Variants in MAP6 observed in about 807,000 individuals in gnomAD.
The protein encoded by MAP6 is microtubule-associated protein 6.
MAP6 carries 26 observed loss-of-function variants against 42.4 expected under a neutral mutation model. The observed-to-expected ratio is 0.61, with a 90% CI of 0.45 to 0.85. MAP6 has a LOEUF of 0.85. MAP6 is among the 40% of genes least tolerant of loss of function. The probability of loss-of-function intolerance (pLI) is 0.00; values close to 1 mark genes in which losing one functional copy is unlikely to be tolerated. For synonymous variants in MAP6, 418 were observed against 443.8 expected (o/e 0.94, Z 0.73); for missense variants, 966 against 1,099.0 (o/e 0.88, Z 1.71).
Position 75,668,920 on chromosome 11 carries a change from AGCC to A in MAP6, c.-554_-552del. On this transcript the variant is annotated 5_prime_UTR_variant, in exon 1 of 4. Transcript: ENST00000304771. ...CCGCCGCTGCCCGCGAGGATGCCGC[AGCC>A]GCCGCCGCCACCGCCTCTTCTCCTG... 9 of 165,520 alleles carry A rather than the reference AGCC, an allele frequency of 5.4e-5. No homozygotes were observed. The highest frequency in any genetic ancestry group is 3.6e-4 in the South Asian group (3 of 8,398). The allele number at this position is 165,520 out of a possible 1,614,324, so 10.3% of individuals were successfully genotyped here. A position where few individuals can be genotyped will look rare whatever the true frequency, so the allele number is the denominator to read the frequency against.
chr11:75,657,353 C>T (rs1943769303), intron 1 of MAP6, among the ~76,000 whole-genome samples: 1 of 152,260 alleles, frequency 6.6e-6, no homozygotes, highest in Non-Finnish European at 1.5e-5. Flanking sequence ...CCTCGTGATC[C>T]GCCCGCCTTG....
chr11:75,627,673 T>G (rs576276504), intron 1 of MAP6, among the ~76,000 whole-genome samples: 1 of 152,324 alleles, frequency 6.6e-6, no homozygotes, highest in South Asian at 2.1e-4. Flanking sequence ...ACTTTTTCAC[T>G]ACCTCATTCA....
chr11:75,608,430 T>C (rs1942823189), intron 1 of MAP6, 108 bp from the exon 2 acceptor site: 5 of 820,134 alleles, frequency 6.1e-6, no homozygotes, highest in Admixed American at 2.2e-5. Flanking sequence ...GCTTGCAGCA[T>C]TGACTGAAGT....
chr11:75,660,882 T>G lies in MAP6; in HGVS notation c.905+6583A>C, dbSNP rs114484272. On this transcript the variant is annotated intron_variant, in intron 1 of 3. Transcript: ENST00000304771. ...CGAATAATAAAAATAAGAGTAAAAT[T>G]TACTGAAAAAAGAGATGCTCAACAA... 5.7e-3 allele frequency among the ~76,000 whole-genome samples: 868 copies of G among 151,526 alleles called. 11 individuals are homozygous for G. Among genetic ancestry groups the G allele is most frequent in the African/African-American group, 0.02 (827 of 41,286 alleles).
chr11:75,608,416 C>G, intron 1 of MAP6, 94 bp from the exon 2 acceptor site: 2 of 931,384 alleles, frequency 2.1e-6, no homozygotes, highest in African/African-American at 1.6e-5. Context: ...AGCTCTCCAT[C>G]AGTGCTTGCA....
At chr11:75,610,814 A>AG (rs1942883444) in intron 1 of MAP6, among the ~76,000 whole-genome samples, 1 of 152,014 alleles carries the variant, frequency 6.6e-6, no homozygotes, top group African/African-American at 2.4e-5. Context: ...GGTGAGGTCA[A>AG]GGGGGCATCT....
chr11:75,664,314 G>A (rs1943908472), intron 1 of MAP6, among the ~76,000 whole-genome samples: 1 of 152,226 alleles, frequency 6.6e-6, no homozygotes, highest in Non-Finnish European at 1.5e-5. Context: ...GGAATTAGAT[G>A]AGCTATTGAA....
intron 1 of MAP6, among the ~76,000 whole-genome samples, chr11:75,620,988 G>A (rs189555223): frequency 7.4e-4 from 112 of 152,132 alleles, no homozygotes; most frequent in Non-Finnish European, 1.3e-3. Flanking sequence ...AAAATTAGCC[G>A]GGCGTGGTGG....
Position 75,587,268 on chromosome 11 carries a change from G to C in MAP6, c.2233C>G (p.Pro745Ala), listed in dbSNP as rs1422781583. The change falls in exon 4 of 4, where the codon CCT (proline) becomes GCT (alanine). Residue 745 changes from proline (P) to alanine (A), a missense_variant. Pro to Ala is a conservative substitution (Grantham distance 27, BLOSUM62 -1). Around this residue, in one of 2 missense-constraint regions of MAP6, gnomAD observed 943 missense variants for 1,049.9 expected, o/e 0.90. Coordinates refer to ENST00000304771, the MANE Select transcript of MAP6 (RefSeq NM_033063.2). The part of the protein sequence containing the change: ...PKNQGRIVPE[P>A]LKNQVPIVPV... ...ACTATAGGAACTTGATTCTTCAGAG[G>C]TTCAGGGACTATACGACCTTGATTC... 3.1e-6 allele frequency: 5 copies of C among 1,614,128 alleles called. No individual in the cohort carries two copies. The highest frequency in any genetic ancestry group is 3.4e-6 in the Non-Finnish European group (4 of 1,180,012).
intron 1 of MAP6, among the ~76,000 whole-genome samples, chr11:75,662,571 G>A (rs142283314): frequency 1.3e-5 from 2 of 152,100 alleles, no homozygotes; most frequent in Non-Finnish European, 2.9e-5. Context: ...AGATACTTAG[G>A]CTCCATTTTA....
intron 1 of MAP6, among the ~76,000 whole-genome samples, chr11:75,610,943 A>G (rs1417785061): frequency 6.6e-6 from 1 of 152,118 alleles, no homozygotes; most frequent in Non-Finnish European, 1.5e-5. Context: ...ACGGCATCCC[A>G]CACACCCCAG....
intron 1 of MAP6, among the ~76,000 whole-genome samples, chr11:75,647,170 G>A (rs1024998452): frequency 3.3e-5 from 5 of 150,754 alleles, no homozygotes; most frequent in African/African-American, 9.8e-5. Flanking sequence ...TAGTAGAGAC[G>A]ATTTTTTTTT....
At chr11:75,593,310 A>G (rs1942512825) in intron 3 of MAP6, among the ~76,000 whole-genome samples, 1 of 152,200 alleles carries the variant, frequency 6.6e-6, no homozygotes, top group Non-Finnish European at 1.5e-5. Context: ...GCTCTGTCCT[A>G]TTTGCAAAAC....
chr11:75,668,541 T>A lies in MAP6; in HGVS notation c.-172A>T, dbSNP rs1175223863. The A allele has an allele frequency of 1.1e-6, 1 of 940,688 alleles. No individual in the cohort carries two copies. The highest frequency in any genetic ancestry group is 3.3e-5 in the East Asian group (1 of 30,184). 58.3% of individuals were successfully genotyped at this position (940,688 alleles called of 1,614,324 possible). A position where few individuals can be genotyped will look rare whatever the true frequency, so the allele number is the denominator to read the frequency against. On this transcript the variant is annotated 5_prime_UTR_variant, in exon 1 of 4. Transcript: ENST00000304771. ...CCCTCAGCGAGCACCCGGGGAGAGC[T>A]GTCCTAGGAGAGTCTGTAGAGTCCC...
chr11:75,604,114 T>A, intron 3 of MAP6: 1 of 985,898 alleles, frequency 1.0e-6, no homozygotes, highest in Non-Finnish European at 1.2e-6. Flanking sequence ...TACTTCTCCT[T>A]CCTCACAGTT....
chr11:75,667,874 GC>G lies in MAP6; in HGVS notation c.495del (p.Pro166ArgfsTer132). On this transcript the variant is annotated frameshift_variant, in exon 1 of 4. Transcript: ENST00000304771. LOFTEE classifies it high-confidence loss of function. This position sits in a 1 kb window ranked among gnomAD's most constrained non-coding sequence, Gnocchi z 5.6. Reference protein sequence around the residue: ...QYQKDFRAWPLPRRGDHPWIP... With the variant: ...QYQKDFRAWPXPRRGDHPWIP... ...ATCCACGGGTGGTCCCCGCGGCGCG[GC>G]AGCGGCCAGGCGCGGAAGTCCTTCT... The G allele has an allele frequency of 6.9e-7, 1 of 1,445,782 alleles. No individual in the cohort carries two copies. The highest frequency in any genetic ancestry group is 9.1e-7 in the Non-Finnish European group (1 of 1,096,526). The allele number at this position is 1,445,782 out of a possible 1,614,324, so 89.6% of individuals were successfully genotyped here.
intron 3 of MAP6, chr11:75,603,244 G>C (rs923734648): frequency 1.0e-6 from 1 of 985,464 alleles, no homozygotes; most frequent in Admixed American, 6.1e-5. Flanking sequence ...CCTCGCCAGG[G>C]AAGGACGGAG....
At chr11:75,599,316 G>A (rs992458168) in intron 3 of MAP6, among the ~76,000 whole-genome samples, 20 of 152,168 alleles carry the variant, frequency 1.3e-4, no homozygotes, top group African/African-American at 4.6e-4. Flanking sequence ...TCCACTGGCT[G>A]AAATAAAATG....
Position 75,588,947 on chromosome 11 carries a change from A to G in MAP6, c.1317-763T>C, listed in dbSNP as rs559907120. The stretch of plus-strand genomic sequence containing the variant: ...ATCCTCCCACCTCAGCCTCCTGAAT[A>G]GCTGGACTACAGGCAGCTTTTAGCT... On this transcript the variant is annotated intron_variant, in intron 3 of 3. Coordinates refer to ENST00000304771, the MANE Select transcript of MAP6 (RefSeq NM_033063.2). Among the ~76,000 whole-genome samples, 15 of 152,258 alleles carry G rather than the reference A, an allele frequency of 9.9e-5. 1 individual carries two copies. In the South Asian group the frequency reaches 2.1e-3, roughly 21 times the overall value.
Sources: gnomAD v4.1 joint callset for allele counts (sites outside exome capture counted in the v4.1 genomes callset) on GRCh38, gnomAD v4.1.1 for gene constraint, gnomAD v4.1.1 regional missense constraint, Gnocchi (gnomAD v3.1) non-coding constraint, MANE v1.5 for transcripts, NCBI Gene and HGNC (gene_info 2026-07-23, HGNC 2026-07-21) for gene names.